CACNA1A: variants seen among roughly 807,000 people sequenced by gnomAD.
CACNA1A encodes calcium voltage-gated channel subunit alpha1 A, also known as voltage-dependent P/Q-type calcium channel subunit alpha-1A.
Under a neutral mutation model 262.4 loss-of-function variants are expected in CACNA1A, and 57 were observed. The observed-to-expected ratio is 0.22, with a 90% CI of 0.18 to 0.27. CACNA1A has a LOEUF of 0.27. Ranked by LOEUF, CACNA1A falls within the 10% of genes least tolerant of loss-of-function variation. CACNA1A has a pLI of 1.00. For missense variants in CACNA1A, 2,526 were observed against 3,562.8 expected, an observed-to-expected ratio of 0.71 and a Z score of 7.41; for synonymous variants, 1,431 against 1,419.3, an observed-to-expected ratio of 1.01 and a Z score of -0.18.
intron 30 of CACNA1A, among the ~76,000 whole-genome samples, chr19:13,248,558 G>T (rs2056312874): frequency 6.6e-6 from 1 of 151,858 alleles, no homozygotes; most frequent in Admixed American, 6.6e-5. Flanking sequence ...TAAAATAACT[G>T]CAGGCTAGGT....
chr19:13,249,959 C>T (rs1320905752), intron 30 of CACNA1A, among the ~76,000 whole-genome samples: 4 of 152,164 alleles, frequency 2.6e-5, no homozygotes, highest in Non-Finnish European at 5.9e-5. Context: ...GTCAAGAGAA[C>T]AGATGTCCTG....
At chr19:13,485,305 C>A (rs910506046) in intron 1 of CACNA1A, among the ~76,000 whole-genome samples, 1 of 152,076 alleles carries the variant, frequency 6.6e-6, no homozygotes, top group Non-Finnish European at 1.5e-5. Flanking sequence ...TAAAATATAT[C>A]CATGGCCTCA....
Position 13,245,201 on chromosome 19 carries a change from A to G in CACNA1A, c.4931T>C (p.Ile1644Thr), listed in dbSNP as rs2056194193. 3 of 1,613,748 alleles carry G rather than the reference A, an allele frequency of 1.9e-6. No individual in the cohort carries two copies. Among genetic ancestry groups the G allele is most frequent in the African/African-American group, 1.3e-5 (1 of 74,936 alleles). ...FVTVLGSITD[I>T]LVTEFGNNFI... ...ACTTACCCCAAACTCAGTCACGAGG[A>G]TATCGGTGATGCTGCCCAGAACAGT... Residue 1644 changes from isoleucine (I) to threonine (T), a missense_variant, in exon 31 of 47, where the codon ATC (isoleucine) becomes ACC (threonine). By Grantham distance (89) the Ile-to-Thr change is moderately conservative. This residue lies in a region of CACNA1A where 66 missense variants were observed against 195.8 expected (regional missense o/e 0.34). Coordinates refer to ENST00000360228, the MANE Select transcript of CACNA1A (RefSeq NM_001127222.2).
intron 6 of CACNA1A, among the ~76,000 whole-genome samples, chr19:13,351,699 G>A (rs754767032): frequency 1.3e-5 from 2 of 152,192 alleles, no homozygotes; most frequent in Admixed American, 6.5e-5. Flanking sequence ...TAGTAGAGAC[G>A]GGGTTTCACC....
Position 13,241,647 on chromosome 19 carries a change from G to A in CACNA1A, c.4950+3535C>T, listed in dbSNP as rs971701833. On this transcript the variant is annotated intron_variant, in intron 31 of 46. Coordinates refer to ENST00000360228, the MANE Select transcript of CACNA1A (RefSeq NM_001127222.2). This position sits in a 1 kb window ranked among gnomAD's most constrained non-coding sequence, Gnocchi z 4.0. ...AAAAAACCAATGGGTTTCGGTTCCC[G>A]GGCGGGGAGTGGGGGTGGTGGTGGC... 1.9e-5 allele frequency: 13 copies of A among 673,444 alleles called. No individual in the cohort carries two copies. Among genetic ancestry groups the A allele is most frequent in the Non-Finnish European group, 3.0e-5 (11 of 369,220 alleles). The allele number at this position is 673,444 out of a possible 1,614,324, so 41.7% of individuals were successfully genotyped here.
At chr19:13,333,269 T>G (rs1483965176) in intron 8 of CACNA1A, among the ~76,000 whole-genome samples, 1 of 152,136 alleles carries the variant, frequency 6.6e-6, no homozygotes, top group Non-Finnish European at 1.5e-5. Context: ...CCTTGCTGTG[T>G]CTCAAATACG....
intron 19 of CACNA1A, among the ~76,000 whole-genome samples, chr19:13,290,752 T>A (rs971549032): frequency 1.4e-5 from 2 of 147,458 alleles, no homozygotes; most frequent in East Asian, 4.1e-4. Flanking sequence ...TATATATACA[T>A]ACACATATAT....
At chr19:13,282,005 C>T (rs2144864540) in intron 22 of CACNA1A, among the ~76,000 whole-genome samples, 1 of 152,356 alleles carries the variant, frequency 6.6e-6, no homozygotes, top group South Asian at 2.1e-4. Context: ...CCTCCAGGGA[C>T]ACCTCCTCCC....
chr19:13,248,143 C>T (rs1161589697), intron 30 of CACNA1A, among the ~76,000 whole-genome samples: 1 of 152,096 alleles, frequency 6.6e-6, no homozygotes, highest in East Asian at 1.9e-4. Flanking sequence ...GCACTCAATC[C>T]TTGTCTCAGG....
chr19:13,502,660 T>C (rs1470215432), intron 1 of CACNA1A, among the ~76,000 whole-genome samples: 2 of 152,104 alleles, frequency 1.3e-5, no homozygotes, highest in African/African-American at 4.8e-5. Flanking sequence ...AATTTGAACA[T>C]CAAAGACTTC....
chr19:13,217,242 GAGAGAGAC>G (rs1265865331), intron 38 of CACNA1A, among the ~76,000 whole-genome samples: 1 of 152,134 alleles, frequency 6.6e-6, no homozygotes, highest in Admixed American at 6.6e-5. Context: ...GGAAGAGAGA[GAGAGAGAC>G]AGAGACAGAG....
At chr19:13,342,820 T>C (rs568000025) in intron 6 of CACNA1A, among the ~76,000 whole-genome samples, 20 of 152,300 alleles carry the variant, frequency 1.3e-4, no homozygotes, top group Admixed American at 1.2e-3. Flanking sequence ...ACTGGACATG[T>C]AGCATGAGCA....
rs761374169 is a variant in CACNA1A, at chr19:13,455,189, G to A, written c.317C>T (p.Ala106Val). Residue 106 changes from alanine to valine, a missense_variant, in exon 2 of 47, where the codon GCC becomes GTC. By Grantham distance (64) the Ala-to-Val change is moderately conservative. Around this residue, in one of 17 missense-constraint regions of CACNA1A, gnomAD observed 77 missense variants for 228.4 expected, o/e 0.34. Transcript: ENST00000360228. The part of the protein sequence containing the change: ...EWPPFEYMIL[A>V]TIIANCIVLA... The stretch of plus-strand genomic sequence containing the variant: ...GACGATGCAATTCGCTATGATGGTG[G>A]CTAAAATCATATATTCAAAGGGAGT... The A allele has an allele frequency of 2.5e-6, 4 of 1,609,134 alleles. No individual in the cohort carries two copies. Among genetic ancestry groups the A allele is most frequent in the Non-Finnish European group, 3.4e-6 (4 of 1,175,652 alleles).
In CACNA1A at chr19:13,207,767, G is replaced by T. The variant is rs780098532; in HGVS notation, c.7067C>A (p.Thr2356Lys). Residue 2356 changes from threonine to lysine, a missense_variant, in exon 47 of 47, where the codon ACG becomes AAG. This residue lies in a region of CACNA1A where 929 missense variants were observed against 868.1 expected (regional missense o/e 1.07). Transcript: ENST00000360228. The surrounding 1 kb of genome is among the most constrained non-coding windows in gnomAD (Gnocchi z 5.7). ...AEPLAGDRPP[T>K]GGHSSGRSPR... ...CGAGCGGCCGCTGCTGTGGCCCCCC[G>T]TGGGCGGCCGATCTCCGGCCAGAGG... The T allele has an allele frequency of 1.5e-6, 2 of 1,378,820 alleles. 1 individual carries two copies. Among genetic ancestry groups the T allele is most frequent in the South Asian group, 3.4e-5 (2 of 58,768 alleles). 85.4% of individuals were successfully genotyped at this position (1,378,820 alleles called of 1,614,324 possible).
chr19:13,422,500 G>T (rs1211582018), intron 3 of CACNA1A, among the ~76,000 whole-genome samples: 2 of 152,264 alleles, frequency 1.3e-5, no homozygotes, highest in Admixed American at 6.5e-5. Flanking sequence ...AACTCCTTGG[G>T]GTTGGGGAGT....
intron 3 of CACNA1A, among the ~76,000 whole-genome samples, chr19:13,427,814 C>T (rs1324508042): frequency 6.6e-6 from 1 of 152,176 alleles, no homozygotes; most frequent in Non-Finnish European, 1.5e-5. Context: ...AACATACACA[C>T]ACACTCTGGG....
At chr19:13,260,316 A>G (rs1264592684) in intron 26 of CACNA1A, 2 of 50,736 alleles carry the variant, frequency 3.9e-5, no homozygotes, top group African/African-American at 6.3e-5. Flanking sequence ...ATATATATAC[A>G]TATATATATA....
intron 1 of CACNA1A, among the ~76,000 whole-genome samples, chr19:13,497,657 C>G (rs1290487027): frequency 7.3e-6 from 1 of 137,190 alleles, no homozygotes; most frequent in African/African-American, 2.7e-5. Context: ...GCAGGAGGAT[C>G]GCTTGAGCCT....
chr19:13,423,439 A>G (rs2060349338), intron 3 of CACNA1A, among the ~76,000 whole-genome samples: 2 of 152,208 alleles, frequency 1.3e-5, no homozygotes, highest in South Asian at 4.1e-4. Flanking sequence ...ATCTCAGGGG[A>G]GAAGGAGGTG....
Sources: gnomAD v4.1 joint callset for allele counts (sites outside exome capture counted in the v4.1 genomes callset) on GRCh38, gnomAD v4.1.1 for gene constraint, gnomAD v4.1.1 regional missense constraint, Gnocchi (gnomAD v3.1) non-coding constraint, MANE v1.5 for transcripts, NCBI Gene and HGNC (gene_info 2026-07-23, HGNC 2026-07-21) for gene names.